The following MLLT1 variants were observed in gnomAD, a reference collection of about 807,000 sequenced individuals.
The protein encoded by MLLT1 is MLLT1 super elongation complex subunit, also known as protein ENL.
MLLT1 carries 11 observed loss-of-function variants against 55.1 expected under a neutral mutation model. The observed-to-expected ratio is 0.20, with a 90% CI of 0.13 to 0.33. MLLT1 has a LOEUF of 0.33. MLLT1 is among the 10% of genes least tolerant of loss of function. MLLT1 has a pLI of 1.00. For missense variants in MLLT1, 536 were observed against 760.6 expected (o/e 0.70, Z 3.47); for synonymous variants, 323 against 320.1 (o/e 1.01, Z -0.10).
In MLLT1 at chr19:6,229,304, C is replaced by T. The variant is rs2144874668; in HGVS notation, c.420+1266G>A. On this transcript the variant is annotated intron_variant, in intron 4 of 11. Transcript: ENST00000252674. The surrounding 1 kb of genome is among the most constrained non-coding windows in gnomAD (Gnocchi z 5.2). Reference sequence around the variant, plus strand: ...CGGCACTGCCCTCCCCGGATCAGAACCACAAGCAGGGCTTCACAAGGATCA... The same window carrying T: ...CGGCACTGCCCTCCCCGGATCAGAATCACAAGCAGGGCTTCACAAGGATCA... Among the ~76,000 whole-genome samples, 1 of 152,278 alleles carries T rather than the reference C, an allele frequency of 6.6e-6. No individual in the cohort carries two copies. The highest frequency in any genetic ancestry group is 3.4e-3 in the Middle Eastern group (1 of 294).
chr19:6,264,194 C>T (rs2091327698), intron 2 of MLLT1, among the ~76,000 whole-genome samples: 1 of 151,990 alleles, frequency 6.6e-6, no homozygotes, highest in Admixed American at 6.5e-5. Flanking sequence ...GGCACAGGAG[C>T]CCTGGGATCC....
At position 6,270,466 on chromosome 19, in the gene MLLT1, C is replaced by A; in HGVS notation, c.193+113G>T. 1 of 1,178,968 alleles carries A rather than the reference C, an allele frequency of 8.5e-7. No homozygotes were observed. The highest frequency in any genetic ancestry group is 2.5e-5 in the East Asian group (1 of 39,246). The allele number at this position is 1,178,968 out of a possible 1,614,324, so 73.0% of individuals were successfully genotyped here. A position where few individuals can be genotyped will look rare whatever the true frequency, so the allele number is the denominator to read the frequency against. ...CCACGCCGAGGGACGCAAGCTGGAA[C>A]CTCATGGTTGGAGGGGTCCTGCTGC... On this transcript the variant is annotated intron_variant, in intron 2 of 11. Transcript: ENST00000252674. This position sits in a 1 kb window ranked among gnomAD's most constrained non-coding sequence, Gnocchi z 7.1.
chr19:6,211,937 G>C lies in MLLT1; in HGVS notation c.*1105C>G, dbSNP rs373273964. 1 of 1,065,316 alleles carries C rather than the reference G, an allele frequency of 9.4e-7. No homozygotes were observed. The highest frequency in any genetic ancestry group is 5.3e-5 in the Admixed American group (1 of 18,726). The allele number at this position is 1,065,316 out of a possible 1,614,324, so 66.0% of individuals were successfully genotyped here. ...CCGCGACCAGAGAGAAAGGCAGCCT[G>C]GGAGGGCCAGCCCGGCCAACCCACC... On this transcript the variant is annotated 3_prime_UTR_variant, in exon 12 of 12. Coordinates refer to ENST00000252674, the MANE Select transcript of MLLT1 (RefSeq NM_005934.4). The surrounding 1 kb of genome is among the most constrained non-coding windows in gnomAD (Gnocchi z 4.6).
At chr19:6,274,237 A>G (rs2091416055) in intron 1 of MLLT1, among the ~76,000 whole-genome samples, 1 of 152,244 alleles carries the variant, frequency 6.6e-6, no homozygotes, top group African/African-American at 2.4e-5. Flanking sequence ...TTGTAGTAAA[A>G]AAGGAATCAC....
In MLLT1 at chr19:6,212,299, A is replaced by C. The variant is rs1001744667; in HGVS notation, c.*743T>G. On this transcript the variant is annotated 3_prime_UTR_variant, in exon 12 of 12. Transcript: ENST00000252674. ...GAGGCGGCGGCATCCTTGGAACGGCAAAGGGAGAATTCCTCCATGCGCCTG... is the reference window on the plus strand; with the variant it reads ...GAGGCGGCGGCATCCTTGGAACGGCCAAGGGAGAATTCCTCCATGCGCCTG... 8 of 1,065,302 alleles carry C rather than the reference A, an allele frequency of 7.5e-6. No individual in the cohort carries two copies. In the African/African-American group the frequency reaches 1.3e-4, roughly 17 times the overall value. The allele number at this position is 1,065,302 out of a possible 1,614,324, so 66.0% of individuals were successfully genotyped here.
At chr19:6,213,443 G>T in intron 10 of MLLT1, 35 bp from the exon 11 acceptor site, 1 of 1,541,442 alleles carries the variant, frequency 6.5e-7, no homozygotes. Context: ...CAGCGTGTGG[G>T]GGCCCTGGAC....
At chr19:6,269,897 A>C (rs1279201876) in intron 2 of MLLT1, among the ~76,000 whole-genome samples, 6 of 152,172 alleles carry the variant, frequency 3.9e-5, no homozygotes, top group Non-Finnish European at 8.8e-5. Context: ...CGGTAAGAAA[A>C]GTAGACGCGG....
intron 3 of MLLT1, among the ~76,000 whole-genome samples, chr19:6,236,847 G>A (rs1458781518): frequency 6.6e-6 from 1 of 152,232 alleles, no homozygotes; most frequent in African/African-American, 2.4e-5. Context: ...TGGCCAACCA[G>A]CCCAGGTGGG....
At position 6,213,025 on chromosome 19, in the gene MLLT1, C is replaced by T. The variant is rs755948099; in HGVS notation, c.*17G>A. Reference sequence around the variant, plus strand: ...TCCCAGGACCCCGGCGGTGGGGGCCCGGCACGCGGCCCAGGGTCATGTGGC... The same window carrying T: ...TCCCAGGACCCCGGCGGTGGGGGCCTGGCACGCGGCCCAGGGTCATGTGGC... On this transcript the variant is annotated 3_prime_UTR_variant, in exon 12 of 12. Coordinates refer to ENST00000252674, the MANE Select transcript of MLLT1 (RefSeq NM_005934.4). 8 of 1,611,254 alleles carry T rather than the reference C, an allele frequency of 5.0e-6. No homozygotes were observed. In the Admixed American group the frequency reaches 5.0e-5, roughly 10 times the overall value.
chr19:6,219,191 C>T lies in MLLT1; in HGVS notation c.1111-1150G>A, dbSNP rs920612086. Among the ~76,000 whole-genome samples the T allele has an allele frequency of 3.9e-5, 6 of 152,134 alleles. No homozygotes were observed. Among genetic ancestry groups the T allele is most frequent in the South Asian group, 2.1e-4 (1 of 4,834 alleles). On this transcript the variant is annotated intron_variant, in intron 6 of 11. Transcript: ENST00000252674. The surrounding 1 kb of genome is among the most constrained non-coding windows in gnomAD (Gnocchi z 4.5). Reference sequence around the variant, plus strand: ...CCCAAGCAGCAGGTCCAGACTCACCCGTGCCTGAGAGGGAAGAGGGACTTC... The same window carrying T: ...CCCAAGCAGCAGGTCCAGACTCACCTGTGCCTGAGAGGGAAGAGGGACTTC...
chr19:6,216,907 C>T (rs1293898455), intron 7 of MLLT1: 1 of 214,116 alleles, frequency 4.7e-6, no homozygotes, highest in Non-Finnish European at 9.4e-6. Context: ...GGAAGCTGGG[C>T]CTGGGGTCAC....
chr19:6,228,489 G>C (rs961680569), intron 4 of MLLT1, among the ~76,000 whole-genome samples: 2 of 151,540 alleles, frequency 1.3e-5, no homozygotes, highest in Non-Finnish European at 2.9e-5. Context: ...CAGACCCTCA[G>C]CCATGGGGGC....
intron 3 of MLLT1, among the ~76,000 whole-genome samples, chr19:6,239,100 T>C (rs539440683): frequency 6.6e-6 from 1 of 152,250 alleles, no homozygotes; most frequent in South Asian, 2.1e-4. Flanking sequence ...AGTCCACACA[T>C]GAAAAGCCTC....
At position 6,262,243 on chromosome 19, in the gene MLLT1, C is replaced by A; in HGVS notation, c.261G>T (p.Val87=). The A allele has an allele frequency of 6.2e-7, 1 of 1,613,874 alleles. No individual in the cohort carries two copies. Among genetic ancestry groups the A allele is most frequent in the African/African-American group, 1.3e-5 (1 of 75,006 alleles). Residue 87 remains valine, a synonymous_variant, in exon 3 of 12, where the codon GTG becomes GTT. Transcript: ENST00000252674. This position sits in a 1 kb window ranked among gnomAD's most constrained non-coding sequence, Gnocchi z 4.4. ...GYAGFIMPIE[V]HFKNKEEPRK... ...GGGATCCTACCTTGTTTTTGAAGTG[C>A]ACCTCGATGGGCATGATGAAGCCAG... is the stretch of plus-strand genomic sequence containing the variant.
At chr19:6,238,242 T>C (rs2091081486) in intron 3 of MLLT1, among the ~76,000 whole-genome samples, 1 of 152,306 alleles carries the variant, frequency 6.6e-6, no homozygotes, top group East Asian at 1.9e-4. Flanking sequence ...GAGAGCTGAC[T>C]GTGTGTGTGA....
At chr19:6,275,000 G>A (rs1423300825) in intron 1 of MLLT1, among the ~76,000 whole-genome samples, 1 of 152,354 alleles carries the variant, frequency 6.6e-6, no homozygotes, top group Admixed American at 6.5e-5. Context: ...CGCAGCGTGC[G>A]GTTCTCCCCA....
At chr19:6,232,304 G>T (rs1404402742) in intron 3 of MLLT1, among the ~76,000 whole-genome samples, 1 of 152,202 alleles carries the variant, frequency 6.6e-6, no homozygotes, top group African/African-American at 2.4e-5. Context: ...TGGGCAGCTG[G>T]TGCTTGACAA....
chr19:6,216,125 C>A (rs1046006954), intron 8 of MLLT1, among the ~76,000 whole-genome samples: 1 of 152,098 alleles, frequency 6.6e-6, no homozygotes, highest in African/African-American at 2.4e-5. Flanking sequence ...TGCCAGATAG[C>A]CCACACCTGC....
chr19:6,214,132 T>A, intron 8 of MLLT1, 94 bp from the exon 9 acceptor site: 1 of 632,948 alleles, frequency 1.6e-6, no homozygotes, highest in Non-Finnish European at 2.2e-6. Context: ...ACGGAGTCGG[T>A]GCCTGAGCCC....
Sources: gnomAD v4.1 joint callset for allele counts (sites outside exome capture counted in the v4.1 genomes callset) on GRCh38, gnomAD v4.1.1 for gene constraint, Gnocchi (gnomAD v3.1) non-coding constraint, MANE v1.5 for transcripts, NCBI Gene and HGNC (gene_info 2026-07-23, HGNC 2026-07-21) for gene names.